Variants in DYM observed in about 807,000 individuals in gnomAD.
DYM encodes dymeclin.
A neutral mutation model predicts 93.1 loss-of-function variants in DYM; 78 were observed. The observed-to-expected ratio is 0.84, with a 90% CI of 0.70 to 1.01. The LOEUF (loss-of-function observed/expected upper bound fraction) is 1.01. DYM is among the 50% of genes least tolerant of loss of function. DYM has a pLI of 0.00. For missense variants in DYM, 789 were observed against 845.0 expected (o/e 0.93, Z 0.82); for synonymous variants, 321 against 319.7 (o/e 1.00, Z -0.04).
intron 13 of DYM, among the ~76,000 whole-genome samples, chr18:49,224,808 C>T (rs186460946): frequency 3.8e-4 from 58 of 152,008 alleles, no homozygotes; most frequent in African/African-American, 1.3e-3. Flanking sequence ...TATAGCAACC[C>T]GAACTAAGAC....
Position 49,057,307 on chromosome 18 carries a change from G to A in DYM, c.2026-13103C>T, listed in dbSNP as rs959738787. ...TGCTGACCAATCAGACAAAGAGACC[G>A]CAGAGAGGAAGGACTTCACCTCTGC... On this transcript the variant is annotated intron_variant, in intron 17 of 17. Transcript: ENST00000675505. Among the ~76,000 whole-genome samples, 18 of 152,294 alleles carry A rather than the reference G, an allele frequency of 1.2e-4. No homozygotes were observed. In the East Asian group the frequency reaches 2.5e-3, roughly 21 times the overall value.
chr18:49,118,775 G>A lies in DYM; in HGVS notation c.1880C>T (p.Ser627Leu). ...DLFEQFRTHP[S>L]FQDIMQNIDL... ...AATATTTTGCATTATATCCTGAAAT[G>A]AAGGATGAGTTCGAAATTGTTCAAA... Residue 627 changes from serine (S) to leucine (L), a missense_variant, in exon 16 of 18, where the codon TCA (serine) becomes TTA (leucine). Around this residue, in one of 3 missense-constraint regions of DYM, gnomAD observed 225 missense variants for 303.0 expected, o/e 0.74. Coordinates refer to ENST00000675505, the MANE Select transcript of DYM (RefSeq NM_001353214.3). 1.2e-6 allele frequency: 2 copies of A among 1,614,060 alleles called. No individual in the cohort carries two copies. The highest frequency in any genetic ancestry group is 1.7e-6 in the Non-Finnish European group (2 of 1,179,954).
rs1209249320 is a variant in DYM at position 49,042,391 on chromosome 18, A to G, written c.*1664T>C. 6.6e-6 allele frequency: 1 copy of G among 152,316 alleles called. No homozygotes were observed. The highest frequency in any genetic ancestry group is 2.4e-5 in the African/African-American group (1 of 41,444). 9.4% of individuals were successfully genotyped at this position (152,316 alleles called of 1,614,324 possible). On this transcript the variant is annotated 3_prime_UTR_variant, in exon 18 of 18. Transcript: ENST00000675505. ...TCATTCCATCCAGACGAGGATAGGG[A>G]AGCTTCCTGCCCTACCTCGACAGCC...
At chr18:49,220,196 A>G (rs921566817) in intron 13 of DYM, among the ~76,000 whole-genome samples, 1 of 152,130 alleles carries the variant, frequency 6.6e-6, no homozygotes, top group Non-Finnish European at 1.5e-5. Flanking sequence ...CCAACTTACA[A>G]GGGACATGAA....
chr18:49,310,001 G>T (rs1474875852), intron 8 of DYM, among the ~76,000 whole-genome samples: 2 of 152,270 alleles, frequency 1.3e-5, no homozygotes, highest in East Asian at 1.9e-4. Flanking sequence ...AGGTAAAACA[G>T]CATGGACGCG....
intron 13 of DYM, among the ~76,000 whole-genome samples, chr18:49,220,735 A>C (rs1052206670): frequency 9.9e-5 from 15 of 152,220 alleles, no homozygotes; most frequent in African/African-American, 3.6e-4. Context: ...TCTTCCTTAC[A>C]TCTTATACAA....
At chr18:49,097,575 C>T (rs112077097) in intron 16 of DYM, 60 bp from the exon 17 acceptor site, 16 of 1,400,834 alleles carry the variant, frequency 1.1e-5, no homozygotes, top group African/African-American at 7.1e-5. Context: ...TTTTAGTAGC[C>T]GCCTTTCTCA....
chr18:49,112,299 T>C (rs745974888), intron 16 of DYM, among the ~76,000 whole-genome samples: 13 of 152,188 alleles, frequency 8.5e-5, no homozygotes, highest in Non-Finnish European at 1.5e-4. Context: ...AGCCTGTGAG[T>C]GCAAATTCCT....
chr18:49,343,430 G>C (rs868686474), intron 6 of DYM, among the ~76,000 whole-genome samples: 1 of 152,176 alleles, frequency 6.6e-6, no homozygotes, highest in Non-Finnish European at 1.5e-5. Context: ...CTCTGTCTTT[G>C]ACTTTATTAT....
chr18:49,094,300 T>C (rs1381628871), intron 17 of DYM, among the ~76,000 whole-genome samples: 3 of 152,184 alleles, frequency 2.0e-5, no homozygotes, highest in Non-Finnish European at 4.4e-5. Context: ...TGCTCCACAG[T>C]AAGCAAAATG....
rs746397868 is a variant in DYM at position 49,036,988 on chromosome 18, A to G, written c.*7067T>C. Reference sequence around the variant, plus strand: ...ACAATCTCTGCCCACTGAACCCTCCACCTCCCAGGTTCAAGCAATTCTCTT... The same window carrying G: ...ACAATCTCTGCCCACTGAACCCTCCGCCTCCCAGGTTCAAGCAATTCTCTT... On this transcript the variant is annotated 3_prime_UTR_variant, in exon 18 of 18. Transcript: ENST00000675505. 2.6e-4 allele frequency among the ~76,000 whole-genome samples: 40 copies of G among 151,800 alleles called. No homozygotes were observed. Among genetic ancestry groups the G allele is most frequent in the Non-Finnish European group, 5.6e-4 (38 of 67,970 alleles).
intron 17 of DYM, among the ~76,000 whole-genome samples, chr18:49,074,176 C>A (rs1258657172): frequency 1.1e-4 from 16 of 152,176 alleles, no homozygotes; most frequent in Non-Finnish European, 2.2e-4. Flanking sequence ...CTGGATTCAA[C>A]CAACCATGGA....
intron 8 of DYM, among the ~76,000 whole-genome samples, chr18:49,322,267 A>G (rs185545007): frequency 8.5e-5 from 13 of 152,264 alleles, no homozygotes; most frequent in African/African-American, 2.6e-4. Flanking sequence ...ATCAGAAGTT[A>G]TTGTGTAAAA....
rs185458861 is a variant in DYM, at chr18:49,459,927, C to A, written c.-54+471G>T. ...ACGAGCTTCTTTGGGGCGGGGGGGG[C>A]GGTGATTAAAAATGCTCTGGAGTTA... On this transcript the variant is annotated intron_variant, in intron 1 of 17. Coordinates refer to ENST00000675505, the MANE Select transcript of DYM (RefSeq NM_001353214.3). Among the ~76,000 whole-genome samples the A allele has an allele frequency of 4.2e-5, 6 of 141,336 alleles. No individual in the cohort carries two copies. In the East Asian group the frequency reaches 9.2e-4, roughly 22 times the overall value. 92.7% of individuals were successfully genotyped at this position (141,336 alleles called of 152,430 possible).
At chr18:49,315,634 AAAAT>A (rs1319126819) in intron 8 of DYM, among the ~76,000 whole-genome samples, 1 of 152,242 alleles carries the variant, frequency 6.6e-6, no homozygotes, top group African/African-American at 2.4e-5. Flanking sequence ...AAAATCTTTC[AAAAT>A]AAATACATTT....
rs185976323 is a variant in DYM at position 49,135,072 on chromosome 18, C to A, written c.1729-16146G>T. On this transcript the variant is annotated intron_variant, in intron 15 of 17. Coordinates refer to ENST00000675505, the MANE Select transcript of DYM (RefSeq NM_001353214.3). ...GCAGTGAGCTGATATCGTGTCACTG[C>A]GATCCAGCCTGGGCAACAAGAGCAA... Among the ~76,000 whole-genome samples, 116 of 152,068 alleles carry A rather than the reference C, an allele frequency of 7.6e-4. 4 individuals are homozygous for A. The East Asian group carries it at 0.02, about 27-fold the overall frequency.
intron 14 of DYM, among the ~76,000 whole-genome samples, chr18:49,176,048 C>T (rs1439473300): frequency 1.3e-5 from 2 of 152,078 alleles, no homozygotes; most frequent in Admixed American, 6.6e-5. Context: ...CCAATAATAA[C>T]TAGTCATACA....
chr18:49,086,713 C>T (rs2078565825), intron 17 of DYM, among the ~76,000 whole-genome samples: 1 of 152,108 alleles, frequency 6.6e-6, no homozygotes, highest in African/African-American at 2.4e-5. Flanking sequence ...GACTGCAGGG[C>T]TGGGCGCGGT....
At chr18:49,292,353 CAG>C (rs71877175) in intron 8 of DYM, among the ~76,000 whole-genome samples, 5,972 of 59,298 alleles carry the variant, frequency 0.1, 149 homozygotes, top group Admixed American at 0.22. Flanking sequence ...GACAGACAGA[CAG>C]ACACACACAC....
Sources: allele counts gnomAD v4.1 joint callset (sites outside exome capture counted in the v4.1 genomes callset), GRCh38; gene constraint gnomAD v4.1.1; regional missense constraint gnomAD v4.1.1; transcripts MANE v1.5; gene names NCBI Gene and HGNC (gene_info 2026-07-23, HGNC 2026-07-21).